The following CCNL1 variants were observed in gnomAD, a reference collection of about 807,000 sequenced individuals.
CCNL1 encodes the protein cyclin-L1.
In CCNL1, 13 loss-of-function variants were observed where a neutral mutation model predicts 60.6. That is an observed-to-expected ratio of 0.21 (90% confidence interval 0.14 to 0.34). The LOEUF (loss-of-function observed/expected upper bound fraction) is 0.34. CCNL1 is among the 10% of genes least tolerant of loss of function. The pLI, the probability that CCNL1 is intolerant of heterozygous loss-of-function variation, is 1.00. For synonymous variants in CCNL1, 270 were observed against 244.3 expected, an observed-to-expected ratio of 1.10 and a Z score of -0.98; for missense variants, 481 against 664.3, an observed-to-expected ratio of 0.72 and a Z score of 3.03.
intron 1 of CCNL1, 136 bp downstream of exon 1, chr3:157,159,656 G>T: frequency 9.6e-7 from 1 of 1,039,666 alleles, no homozygotes; most frequent in Non-Finnish European, 1.4e-6. Context: ...GCACGCCCCG[G>T]CCGCGGCTGG....
In CCNL1 at chr3:157,150,623, C is replaced by T. The variant is rs931407456; in HGVS notation, c.675-242G>A. 4.2e-6 allele frequency: 5 copies of T among 1,187,908 alleles called. No homozygotes were observed. The East Asian group carries it at 1.1e-4, about 25-fold the overall frequency. The allele number at this position is 1,187,908 out of a possible 1,614,324, so 73.6% of individuals were successfully genotyped here. ...AGCCCTTTTAAATTATTTCATATTA[C>T]AATCCAAACTAGAAATTACTCCTAA... On this transcript the variant is annotated intron_variant, in intron 5 of 10. Coordinates refer to ENST00000295926, the MANE Select transcript of CCNL1 (RefSeq NM_020307.4).
In CCNL1 at chr3:157,160,000, G is replaced by A. The variant is rs771088983; in HGVS notation, c.95C>T (p.Thr32Met). Residue 32 changes from threonine to methionine, a missense_variant, in exon 1 of 11, where the codon ACG becomes ATG. By Grantham distance (81) the Thr-to-Met change is moderately conservative (BLOSUM62 -1). Around this residue, in one of 5 missense-constraint regions of CCNL1, gnomAD observed 65 missense variants for 57.5 expected, o/e 1.13. Coordinates refer to ENST00000295926, the MANE Select transcript of CCNL1 (RefSeq NM_020307.4). Reference protein sequence around the residue: ...AGGSSSGTTTTTTTTTGGILI... With the variant: ...AGGSSSGTTTMTTTTTGGILI... Reference sequence around the variant, plus strand: ...GATCCCTCCCGTCGTGGTCGTCGTCGTGGTCGTCGTCCCGGAGCTGGAGCC... The same window carrying A: ...GATCCCTCCCGTCGTGGTCGTCGTCATGGTCGTCGTCCCGGAGCTGGAGCC... 17 of 1,575,304 alleles carry A rather than the reference G, an allele frequency of 1.1e-5. No homozygotes were observed. Among genetic ancestry groups the A allele is most frequent in the Admixed American group, 1.9e-5 (1 of 53,564 alleles).
Position 157,160,098 on chromosome 3 carries a change from C to G in CCNL1, c.-4G>C. 6.5e-7 allele frequency: 1 copy of G among 1,538,306 alleles called. No homozygotes were observed. Among genetic ancestry groups the G allele is most frequent in the Non-Finnish European group, 8.8e-7 (1 of 1,140,148 alleles). On this transcript the variant is annotated 5_prime_UTR_variant, in exon 1 of 11. Coordinates refer to ENST00000295926, the MANE Select transcript of CCNL1 (RefSeq NM_020307.4). Reference sequence around the variant, plus strand: ...TCGAATGAGGCCCGGACGCCATAGTCTTAGCGAGCCGCACGCAAGCCCAAC... The same window carrying G: ...TCGAATGAGGCCCGGACGCCATAGTGTTAGCGAGCCGCACGCAAGCCCAAC...
At chr3:157,152,755 G>A (rs544519008) in intron 4 of CCNL1, 5 of 1,178,492 alleles carry the variant, frequency 4.2e-6, no homozygotes, top group African/African-American at 1.6e-5. Flanking sequence ...TTACATCTCT[G>A]TTTTCTAGGT....
At chr3:157,144,686 C>T (rs1208152562), downstream of CCNL1, among the ~76,000 whole-genome samples, 1 of 152,222 alleles carries the variant, frequency 6.6e-6, no homozygotes, top group Non-Finnish European at 1.5e-5. Context: ...GTGATGCTCC[C>T]CTTCTCAAAC....
At chr3:157,150,969 G>A (rs1738148242) in intron 5 of CCNL1, 1 of 984,874 alleles carries the variant, frequency 1.0e-6, no homozygotes, top group Non-Finnish European at 1.2e-6. Flanking sequence ...TTGTGACTAG[G>A]TAAAAGAGAT....
rs1738830896 is a variant in CCNL1 at position 157,158,854 on chromosome 3, T to C, written c.488+12A>G. 1 of 1,530,364 alleles carries C rather than the reference T, an allele frequency of 6.5e-7. No homozygotes were observed. Among genetic ancestry groups the C allele is most frequent in the Non-Finnish European group, 9.0e-7 (1 of 1,105,074 alleles). The allele number at this position is 1,530,364 out of a possible 1,614,324, so 94.8% of individuals were successfully genotyped here. On this transcript the variant is annotated intron_variant, in intron 3 of 10. Coordinates refer to ENST00000295926, the MANE Select transcript of CCNL1 (RefSeq NM_020307.4). The stretch of plus-strand genomic sequence containing the variant: ...TAGCAAGAGATACTATGTTCAATAA[T>C]GCCAATCTTACCTTTTTCCTCTTAA...
intron 5 of CCNL1, 172 bp from the exon 6 acceptor site, chr3:157,150,553 GAATTT>G (rs1438572077): frequency 2.2e-6 from 3 of 1,369,202 alleles, no homozygotes; most frequent in Non-Finnish European, 2.8e-6. Flanking sequence ...TAAGCAATAA[GAATTT>G]AATACTAGGA....
At chr3:157,156,445 G>A (rs964834581) in intron 3 of CCNL1, among the ~76,000 whole-genome samples, 2 of 152,152 alleles carry the variant, frequency 1.3e-5, no homozygotes, top group East Asian at 1.9e-4. Flanking sequence ...ATTTTAATAC[G>A]CTGCATCTCA....
chr3:157,151,197 T>C, intron 5 of CCNL1: 1 of 985,276 alleles, frequency 1.0e-6, no homozygotes, highest in Non-Finnish European at 1.2e-6. Context: ...GAGACTTTTC[T>C]AACATTACAA....
At chr3:157,150,251 C>G in intron 6 of CCNL1, 31 bp downstream of exon 6, 1 of 1,611,930 alleles carries the variant, frequency 6.2e-7, no homozygotes, top group East Asian at 2.2e-5. Context: ...GTGATTTATC[C>G]TACAGAACAA....
At chr3:157,159,588 G>A in intron 1 of CCNL1, 109 bp from the exon 2 acceptor site, 1 of 1,138,654 alleles carries the variant, frequency 8.8e-7, no homozygotes, top group Non-Finnish European at 1.3e-6. Flanking sequence ...CGCCGCCGCC[G>A]CCGCTGCGAA....
intron 5 of CCNL1, chr3:157,150,823 C>T (rs1001033212): frequency 2.4e-5 from 24 of 987,738 alleles, no homozygotes; most frequent in African/African-American, 3.5e-5. Context: ...CTCAAAATAC[C>T]GTTAACAGGG....
At chr3:157,158,832 C>G (rs768705799) in intron 3 of CCNL1, 34 bp downstream of exon 3, 1 of 1,336,186 alleles carries the variant, frequency 7.5e-7, no homozygotes. Flanking sequence ...ACAGCAGTAG[C>G]AAGAGATACT....
At chr3:157,156,903 G>A (rs1738671202) in intron 3 of CCNL1, 1 of 1,284,824 alleles carries the variant, frequency 7.8e-7, no homozygotes, top group African/African-American at 1.5e-5. Flanking sequence ...ACAAGAAACA[G>A]GAGTTTTTCT....
chr3:157,159,705 T>A, intron 1 of CCNL1, 87 bp downstream of exon 1: 1 of 1,269,522 alleles, frequency 7.9e-7, no homozygotes, highest in South Asian at 1.5e-5. Flanking sequence ...GTCCCCACCC[T>A]CCCGGGGCAC....
At position 157,152,174 on chromosome 3, in the gene CCNL1, T is replaced by C; in HGVS notation, c.674+3A>G. 1 of 1,610,582 alleles carries C rather than the reference T, an allele frequency of 6.2e-7. No individual in the cohort carries two copies. The highest frequency in any genetic ancestry group is 8.5e-7 in the Non-Finnish European group (1 of 1,178,864). On this transcript the variant is annotated splice_donor_region_variant and intron_variant, in intron 5 of 10. Transcript: ENST00000295926. ...AGGAAAGAAATCTAAAAAAGTGACT[T>C]ACCAGGCAGTTTGAACCAGGGTTTG...
In CCNL1 at chr3:157,159,490, G is replaced by A. The variant is rs756754719; in HGVS notation, c.304-11C>T. On this transcript the variant is annotated splice_polypyrimidine_tract_variant and intron_variant, in intron 1 of 10. Coordinates refer to ENST00000295926, the MANE Select transcript of CCNL1 (RefSeq NM_020307.4). Reference sequence around the variant, plus strand: ...CGTTGCCATCGCCACCTGCAGACAAGAGAGGAGAACGGAAGCGCAGGGGTC... The same window carrying A: ...CGTTGCCATCGCCACCTGCAGACAAAAGAGGAGAACGGAAGCGCAGGGGTC... 22 of 1,552,738 alleles carry A rather than the reference G, an allele frequency of 1.4e-5. No homozygotes were observed. In the South Asian group the frequency reaches 2.5e-4, roughly 17 times the overall value.
At chr3:157,158,700 C>T in intron 3 of CCNL1, 166 bp downstream of exon 3, 1 of 515,608 alleles carries the variant, frequency 1.9e-6, no homozygotes, top group African/African-American at 2.0e-5. Context: ...TTTCTTTTTT[C>T]AAATTATTTT....
Sources: allele counts gnomAD v4.1 joint callset (sites outside exome capture counted in the v4.1 genomes callset), GRCh38; gene constraint gnomAD v4.1.1; regional missense constraint gnomAD v4.1.1; transcripts MANE v1.5; gene names NCBI Gene and HGNC (gene_info 2026-07-23, HGNC 2026-07-21).